FSTL4: variants seen among roughly 807,000 people sequenced by gnomAD.
The protein encoded by FSTL4 is follistatin-related protein 4.
Under a neutral mutation model 78.2 loss-of-function variants are expected in FSTL4, and 28 were observed. The ratio of observed to expected loss-of-function variants is 0.36; its 90% CI spans 0.27 to 0.49. The LOEUF (loss-of-function observed/expected upper bound fraction) is 0.49, where lower values mean the gene tolerates loss of function less well. Ranked by LOEUF, FSTL4 falls within the 20% of genes least tolerant of loss-of-function variation. The probability of loss-of-function intolerance (pLI) is 0.98; values close to 1 mark genes in which losing one functional copy is unlikely to be tolerated. For synonymous variants in FSTL4, 422 were observed against 440.5 expected (o/e 0.96, Z 0.53); for missense variants, 922 against 1,084.9 (o/e 0.85, Z 2.11).
In FSTL4 at chr5:133,375,291, C is replaced by CATATAT. The variant is rs3975738; in HGVS notation, c.409+25441_409+25446dup. 5.8e-3 allele frequency among the ~76,000 whole-genome samples: 335 copies of CATATAT among 57,948 alleles called. 28 individuals are homozygous for CATATAT. Among genetic ancestry groups the CATATAT allele is most frequent in the African/African-American group, 0.012 (282 of 22,856 alleles). 38.0% of individuals were successfully genotyped at this position (57,948 alleles called of 152,430 possible). Reference sequence around the variant, plus strand: ...AACCCAAAACATAGGGTGTGCATGGCATATATATATATATATATATAAAAG... The same window carrying CATATAT: ...AACCCAAAACATAGGGTGTGCATGGCATATATATATATATATATATATATATAAAAG... On this transcript the variant is annotated intron_variant, in intron 4 of 15. Coordinates refer to ENST00000265342, the MANE Select transcript of FSTL4 (RefSeq NM_015082.2).
chr5:133,342,128 C>G (rs1315445588), intron 4 of FSTL4, among the ~76,000 whole-genome samples: 4 of 152,124 alleles, frequency 2.6e-5, no homozygotes, highest in Non-Finnish European at 5.9e-5. Flanking sequence ...GGAAGGAGAG[C>G]CTTCCTGTTG....
chr5:133,741,158 A>G, the FSTL4 span, among the ~76,000 whole-genome samples: 1 of 152,248 alleles, frequency 6.6e-6, no homozygotes, highest in East Asian at 1.9e-4. Context: ...AGACACGCCT[A>G]TGCCGATGAC....
At chr5:133,571,289 ATC>A (rs892316336) in intron 2 of FSTL4, among the ~76,000 whole-genome samples, 6 of 151,888 alleles carry the variant, frequency 4.0e-5, no homozygotes, top group African/African-American at 1.5e-4. Flanking sequence ...CCAGGACTCT[ATC>A]TGTCTAACAA....
At chr5:133,608,537 G>A (rs577607696) in intron 1 of FSTL4, among the ~76,000 whole-genome samples, 84 of 152,354 alleles carry the variant, frequency 5.5e-4, no homozygotes, top group South Asian at 4.6e-3. Context: ...CAGGGCAACT[G>A]TTTGGTTCCT....
At chr5:133,575,980 A>C (rs1760269452) in intron 2 of FSTL4, among the ~76,000 whole-genome samples, 1 of 152,198 alleles carries the variant, frequency 6.6e-6, no homozygotes, top group South Asian at 2.1e-4. Flanking sequence ...TTTATTCCTC[A>C]TTGTGCCCTT....
chr5:133,693,539 G>T, the FSTL4 span, among the ~76,000 whole-genome samples: 37 of 152,268 alleles, frequency 2.4e-4, no homozygotes, highest in African/African-American at 8.7e-4. Context: ...ATATTTTATT[G>T]ATAAACTGAT....
At chr5:133,200,385 A>G (rs947958206) in intron 15 of FSTL4, among the ~76,000 whole-genome samples, 1 of 152,254 alleles carries the variant, frequency 6.6e-6, no homozygotes, top group Non-Finnish European at 1.5e-5. Context: ...TGATGCGGGT[A>G]GGAAGAACCC....
chr5:133,535,603 G>A (rs982395460), intron 3 of FSTL4, among the ~76,000 whole-genome samples: 1 of 152,192 alleles, frequency 6.6e-6, no homozygotes, highest in Non-Finnish European at 1.5e-5. Context: ...TCTGTTCAGG[G>A]CTCTCAGCTC....
intron 6 of FSTL4, among the ~76,000 whole-genome samples, chr5:133,278,823 C>T (rs186913327): frequency 6.6e-6 from 1 of 152,360 alleles, no homozygotes; most frequent in Non-Finnish European, 1.5e-5. Flanking sequence ...AGATATTAGG[C>T]AGGCATGAGC....
the FSTL4 span, among the ~76,000 whole-genome samples, chr5:133,712,100 A>G: frequency 6.6e-6 from 1 of 152,184 alleles, no homozygotes; most frequent in Admixed American, 6.5e-5. Flanking sequence ...AACCAGAAGG[A>G]TGAGCTATCC....
intron 3 of FSTL4, among the ~76,000 whole-genome samples, chr5:133,499,723 G>A (rs759300340): frequency 6.6e-6 from 1 of 152,074 alleles, no homozygotes; most frequent in Non-Finnish European, 1.5e-5. Flanking sequence ...TGCTGCCAAG[G>A]CCATGCCACC....
chr5:133,199,215 C>T lies in FSTL4; in HGVS notation c.2409G>A (p.Gln803=), dbSNP rs1035186110. Reference sequence around the variant, plus strand: ...ACTCTCGGGCTGGTGTGAGGAGGTACTGTCCAAACAGCCCACTGTCCCTCA... The same window carrying T: ...ACTCTCGGGCTGGTGTGAGGAGGTATTGTCCAAACAGCCCACTGTCCCTCA... ...RIMRDSGLFG[Q]YLLTPARESL... The change falls in exon 16 of 16, where the codon CAG becomes CAA. Residue 803 remains glutamine (Q), a synonymous_variant. Transcript: ENST00000265342. The surrounding 1 kb of genome is among the most constrained non-coding windows in gnomAD (Gnocchi z 4.4). 16 of 1,613,472 alleles carry T rather than the reference C, an allele frequency of 9.9e-6. No homozygotes were observed. In the African/African-American group the frequency reaches 1.1e-4, roughly 11 times the overall value.
the FSTL4 span, among the ~76,000 whole-genome samples, chr5:133,697,619 T>G: frequency 6.6e-6 from 1 of 152,192 alleles, no homozygotes; most frequent in Non-Finnish European, 1.5e-5. Context: ...ATTTATAAAG[T>G]CAATCTGAAA....
At chr5:133,750,380 T>C in the FSTL4 span, among the ~76,000 whole-genome samples, 1 of 152,232 alleles carries the variant, frequency 6.6e-6, no homozygotes, top group Non-Finnish European at 1.5e-5. Context: ...GCCCATTTCC[T>C]CACTGCCCTG....
At chr5:133,305,814 C>T (rs1375754143) in intron 6 of FSTL4, among the ~76,000 whole-genome samples, 1 of 152,250 alleles carries the variant, frequency 6.6e-6, no homozygotes, top group Non-Finnish European at 1.5e-5. Context: ...GCTCTCCCTG[C>T]CCTGGTCAGG....
chr5:133,658,558 C>T, the FSTL4 span, among the ~76,000 whole-genome samples: 1 of 151,992 alleles, frequency 6.6e-6, no homozygotes, highest in African/African-American at 2.4e-5. Flanking sequence ...ACAGGCTTAT[C>T]TATTTTACTA....
At chr5:133,648,190 AG>A in the FSTL4 span, among the ~76,000 whole-genome samples, 1 of 152,224 alleles carries the variant, frequency 6.6e-6, no homozygotes, top group Non-Finnish European at 1.5e-5. Flanking sequence ...AGAAAAATAA[AG>A]TACAAACCAG....
intron 7 of FSTL4, among the ~76,000 whole-genome samples, chr5:133,240,903 G>C (rs772428561): frequency 9.2e-5 from 14 of 152,316 alleles, no homozygotes; most frequent in Middle Eastern, 6.8e-3. Flanking sequence ...GCAATCTCTA[G>C]GCTCTGGAAT....
At chr5:133,372,187 C>CT (rs1337157552) in intron 4 of FSTL4, among the ~76,000 whole-genome samples, 1 of 150,296 alleles carries the variant, frequency 6.7e-6, no homozygotes, top group African/African-American at 2.4e-5. Flanking sequence ...ATGCTTCATG[C>CT]TGAGATTTGA....
Sources: allele counts gnomAD v4.1 joint callset (sites outside exome capture counted in the v4.1 genomes callset), GRCh38; gene constraint gnomAD v4.1.1; non-coding constraint Gnocchi (gnomAD v3.1); transcripts MANE v1.5; gene names NCBI Gene and HGNC (gene_info 2026-07-23, HGNC 2026-07-21).